SNRPN: variants seen among roughly 807,000 people sequenced by gnomAD.
The protein encoded by SNRPN is small nuclear ribonucleoprotein-associated protein N.
SNRPN carries 7 observed loss-of-function variants against 25.2 expected under a neutral mutation model. The observed-to-expected ratio is 0.28, with a 90% confidence interval of 0.16 to 0.52. The LOEUF is 0.52. Ranked by LOEUF, SNRPN falls within the 20% of genes least tolerant of loss-of-function variation. The pLI, the probability that SNRPN is intolerant of heterozygous loss-of-function variation, is 0.96. For synonymous variants in SNRPN, 124 were observed against 110.6 expected, an observed-to-expected ratio of 1.12 and a Z score of -0.76; for missense variants, 196 against 322.5, an observed-to-expected ratio of 0.61 and a Z score of 3.00.
At chr15:24,974,163 G>A (rs1023961648) in intron 3 of SNRPN, 148 bp from the exon 4 acceptor site, 2 of 433,854 alleles carry the variant, frequency 4.6e-6, no homozygotes, top group Non-Finnish European at 8.3e-6. Flanking sequence ...AGGGACTAGG[G>A]AAATGTGGCA....
Position 24,967,928 on chromosome 15 carries a change from G to GT in SNRPN, c.-294-3dup. 1 of 1,611,284 alleles carries GT rather than the reference G, an allele frequency of 6.2e-7. No homozygotes were observed. The highest frequency in any genetic ancestry group is 8.5e-7 in the Non-Finnish European group (1 of 1,178,162). On this transcript the variant is annotated splice_region_variant and splice_polypyrimidine_tract_variant and intron_variant, in intron 2 of 9. Coordinates refer to ENST00000390687, the MANE Select transcript of SNRPN (RefSeq NM_003097.6). ...CATTTATATATATTGTGCTCTTGTT[G>GT]TAGGTGTCAGTTGTACCCGAGGCGT...
chr15:24,976,767 T>C (rs1433768590), intron 6 of SNRPN, 110 bp from the exon 7 acceptor site: 9 of 941,566 alleles, frequency 9.6e-6, no homozygotes, highest in South Asian at 4.4e-5. Flanking sequence ...ACAGAACTAA[T>C]ATGAGATAGG....
chr15:24,843,072 A>G (rs1323793314), intron 2 of SNRPN, among the ~76,000 whole-genome samples: 1 of 151,752 alleles, frequency 6.6e-6, no homozygotes, highest in Non-Finnish European at 1.5e-5. Context: ...AATTTACTCA[A>G]TTGTTTATGT....
chr15:24,890,634 G>A (rs1029685756), intron 2 of SNRPN, among the ~76,000 whole-genome samples: 3 of 152,044 alleles, frequency 2.0e-5, no homozygotes, highest in Non-Finnish European at 4.4e-5. Flanking sequence ...AGCCGAGATC[G>A]CGCCATTGCA....
At chr15:24,852,861 G>A (rs1259651294), upstream of SNRPN, among the ~76,000 whole-genome samples, 1 of 152,158 alleles carries the variant, frequency 6.6e-6, no homozygotes, top group East Asian at 1.9e-4. Flanking sequence ...CCTGAGCTTG[G>A]GAGGTCAAGG....
At chr15:24,895,220 A>G (rs982883290) in intron 2 of SNRPN, among the ~76,000 whole-genome samples, 1 of 152,188 alleles carries the variant, frequency 6.6e-6, no homozygotes, top group Non-Finnish European at 1.5e-5. Flanking sequence ...GCTTCAGCAG[A>G]AAGTCAAAAA....
intron 3 of SNRPN, among the ~76,000 whole-genome samples, chr15:24,971,002 A>G (rs952273968): frequency 2.0e-5 from 3 of 152,132 alleles, no homozygotes; most frequent in Non-Finnish European, 4.4e-5. Flanking sequence ...CTGATATTCC[A>G]TGGTGTGTCT....
At chr15:24,972,084 C>T (rs1327329031) in intron 3 of SNRPN, among the ~76,000 whole-genome samples, 3 of 151,948 alleles carry the variant, frequency 2.0e-5, no homozygotes, top group Non-Finnish European at 4.4e-5. Flanking sequence ...AGCGAAATTC[C>T]TTCTCTGCTA....
chr15:24,910,319 C>A (rs2059130326), intron 2 of SNRPN, among the ~76,000 whole-genome samples: 1 of 152,054 alleles, frequency 6.6e-6, no homozygotes, highest in African/African-American at 2.4e-5. Flanking sequence ...GACTTCTAAT[C>A]AAAAGGGAAG....
At chr15:24,848,246 C>CTGCGGG (rs2052407709) in intron 2 of SNRPN, 1 of 37,188 alleles carries the variant, frequency 2.7e-5, no homozygotes, top group African/African-American at 1.0e-4. Flanking sequence ...GCGGGGGCGG[C>CTGCGGG]GGCGGGGGCG....
intron 8 of SNRPN, 123 bp from the exon 9 acceptor site, chr15:24,978,070 A>G (rs2153719024): frequency 1.7e-6 from 2 of 1,211,944 alleles, no homozygotes; most frequent in Admixed American, 2.2e-5. Flanking sequence ...AGTAATTGTC[A>G]TATAGAAGTT....
intron 2 of SNRPN, among the ~76,000 whole-genome samples, chr15:24,916,170 C>T (rs939022589): frequency 2.6e-4 from 39 of 151,894 alleles, no homozygotes; most frequent in Admixed American, 2.0e-3. Context: ...CTACGTGGGC[C>T]GGGCTAGTCT....
chr15:24,972,141 A>G (rs1419899498), intron 3 of SNRPN, among the ~76,000 whole-genome samples: 1 of 151,862 alleles, frequency 6.6e-6, no homozygotes, highest in Admixed American at 6.6e-5. Context: ...CTGTAATCCT[A>G]GCTACTCAGG....
intron 3 of SNRPN, among the ~76,000 whole-genome samples, chr15:24,970,538 C>T (rs142032572): frequency 2.2e-3 from 338 of 152,248 alleles, no homozygotes; most frequent in African/African-American, 7.8e-3. Flanking sequence ...GAGATTGTGC[C>T]ACTGCGCTTC....
chr15:24,961,644 GTTTT>G lies in SNRPN; in HGVS notation c.-390-466_-390-463del, dbSNP rs148888516. 2.0e-5 allele frequency among the ~76,000 whole-genome samples: 3 copies of G among 151,940 alleles called. No homozygotes were observed. In the East Asian group the frequency reaches 5.8e-4, roughly 29 times the overall value. Reference sequence around the variant, plus strand: ...ATCCTAAAGAAAGCACCATTTGCATGTTTTTTTAAAGTAGATATTTTATAATTTA... The same window carrying G: ...ATCCTAAAGAAAGCACCATTTGCATGTTTAAAGTAGATATTTTATAATTTA... On this transcript the variant is annotated intron_variant, in intron 1 of 9. Transcript: ENST00000390687.
intron 1 of SNRPN, among the ~76,000 whole-genome samples, chr15:24,955,883 C>T (rs2062778738): frequency 1.3e-5 from 2 of 151,486 alleles, no homozygotes; most frequent in African/African-American, 4.9e-5. Flanking sequence ...CGGGGCCTGT[C>T]GCTGTCCGGA....
intron 3 of SNRPN, among the ~76,000 whole-genome samples, chr15:24,934,903 G>A (rs1288832081): frequency 6.6e-6 from 1 of 152,162 alleles, no homozygotes; most frequent in African/African-American, 2.4e-5. Flanking sequence ...TCAGTTGCTT[G>A]TGCATATTTT....
At chr15:24,850,784 G>C (rs1052741307) in intron 2 of SNRPN, 1 of 152,230 alleles carries the variant, frequency 6.6e-6, no homozygotes, top group African/African-American at 2.4e-5. Context: ...GGCTGAGGGG[G>C]AAGTCAGGGC....
intron 3 of SNRPN, among the ~76,000 whole-genome samples, chr15:24,923,171 G>A (rs1302429448): frequency 6.6e-6 from 1 of 152,112 alleles, no homozygotes; most frequent in Non-Finnish European, 1.5e-5. Flanking sequence ...CTCCCAAAGT[G>A]CTGGGATTAC....
Sources: allele counts gnomAD v4.1 joint callset (sites outside exome capture counted in the v4.1 genomes callset), GRCh38; gene constraint gnomAD v4.1.1; transcripts MANE v1.5; gene names NCBI Gene and HGNC (gene_info 2026-07-23, HGNC 2026-07-21).